Variants in GPHN observed in about 807,000 individuals in gnomAD.
GPHN encodes gephyrin.
A neutral mutation model predicts 95.5 loss-of-function variants in GPHN; 17 were observed. That is an observed-to-expected ratio of 0.18 (90% CI 0.12 to 0.27). The LOEUF (loss-of-function observed/expected upper bound fraction) is 0.27. GPHN is among the 10% of genes least tolerant of loss of function. GPHN has a pLI of 1.00. For missense variants in GPHN, 660 were observed against 978.1 expected, an observed-to-expected ratio of 0.67 and a Z score of 4.34; for synonymous variants, 320 against 322.5, an observed-to-expected ratio of 0.99 and a Z score of 0.08.
chr14:67,466,169 T>G, the GPHN span, among the ~76,000 whole-genome samples: 8 of 152,256 alleles, frequency 5.3e-5, no homozygotes, highest in African/African-American at 1.4e-4. Context: ...CTTCGCCATC[T>G]GGTGGACCCT....
intron 1 of GPHN, among the ~76,000 whole-genome samples, chr14:66,519,653 C>G (rs1025762574): frequency 1.4e-4 from 22 of 152,024 alleles, no homozygotes; most frequent in African/African-American, 4.8e-4. Flanking sequence ...GCTGCCTGAC[C>G]TTGATAGGCA....
chr14:66,814,357 G>A (rs1258424710), intron 3 of GPHN, among the ~76,000 whole-genome samples: 3 of 152,184 alleles, frequency 2.0e-5, no homozygotes, highest in Admixed American at 6.5e-5. Context: ...CCCACCAGCT[G>A]TGTTGCCTCC....
chr14:66,719,024 G>A (rs1367966999), intron 2 of GPHN, among the ~76,000 whole-genome samples: 6 of 152,258 alleles, frequency 3.9e-5, no homozygotes, highest in African/African-American at 9.6e-5. Context: ...CAGCTCCCAC[G>A]CAATCCACAG....
At chr14:67,509,819 C>A in the GPHN span, among the ~76,000 whole-genome samples, 1 of 152,180 alleles carries the variant, frequency 6.6e-6, no homozygotes, top group South Asian at 2.1e-4. Flanking sequence ...CCAGCCTGTG[C>A]AACATAGCGA....
chr14:67,591,815 A>G, the GPHN span: 1 of 150,330 alleles, frequency 6.7e-6, no homozygotes, highest in Non-Finnish European at 1.5e-5. Context: ...GATTACAGGC[A>G]TGAGCCACTG....
At chr14:67,423,839 G>A in the GPHN span, among the ~76,000 whole-genome samples, 28 of 152,334 alleles carry the variant, frequency 1.8e-4, no homozygotes, top group Middle Eastern at 6.8e-3. Flanking sequence ...GTTACTGATG[G>A]CTCCTGGAAT....
the GPHN span, chr14:67,292,822 T>TTAACAG: frequency 7.9e-6 from 6 of 760,884 alleles, no homozygotes; most frequent in Non-Finnish European, 1.2e-5. Flanking sequence ...TTTGTTTGAA[T>TTAACAG]TAATTACTGT....
chr14:67,145,865 A>G, intron 18 of GPHN, among the ~76,000 whole-genome samples: 1 of 152,202 alleles, frequency 6.6e-6, no homozygotes, highest in Non-Finnish European at 1.5e-5. Context: ...ATTCCATTTA[A>G]ATTATACTCT....
chr14:67,683,232 T>C, the GPHN span, among the ~76,000 whole-genome samples: 37 of 152,292 alleles, frequency 2.4e-4, no homozygotes, highest in Admixed American at 2.4e-3. Flanking sequence ...AAGTTATGGA[T>C]TTAGAGCTGA....
chr14:66,572,187 A>G (rs934118047), intron 1 of GPHN, among the ~76,000 whole-genome samples: 2 of 152,162 alleles, frequency 1.3e-5, no homozygotes, highest in Non-Finnish European at 2.9e-5. Context: ...ATCAGGCAAT[A>G]TGATGCATCT....
At chr14:67,497,826 G>T in the GPHN span, among the ~76,000 whole-genome samples, 1 of 151,996 alleles carries the variant, frequency 6.6e-6, no homozygotes, top group Admixed American at 6.6e-5. Context: ...CCTGTATCTT[G>T]TGGGTGTTTG....
At chr14:66,679,927 A>G (rs1424695656) in intron 1 of GPHN, among the ~76,000 whole-genome samples, 1 of 151,996 alleles carries the variant, frequency 6.6e-6, no homozygotes, top group African/African-American at 2.4e-5. Flanking sequence ...TGTTAGTCAC[A>G]TTTTGTGCCC....
rs866528536 is a variant in GPHN at position 66,837,614 on chromosome 14, A to T, written c.294+13048A>T. 7.5e-4 allele frequency among the ~76,000 whole-genome samples: 109 copies of T among 144,500 alleles called. No homozygotes were observed. The South Asian group carries it at 0.014, about 19-fold the overall frequency. The allele number at this position is 144,500 out of a possible 152,430, so 94.8% of individuals were successfully genotyped here. ...TATAATAAAAATAAATAAATAAATA[A>T]AAATAAATAAATAAATAAATAAATA... On this transcript the variant is annotated intron_variant, in intron 4 of 22. Transcript: ENST00000478722.
chr14:67,246,649 G>GTT, the GPHN span, among the ~76,000 whole-genome samples: 2,061 of 112,176 alleles, frequency 0.018, 115 homozygotes, highest in East Asian at 0.09. Context: ...CCTACTATAG[G>GTT]TTTTTTTTTT....
chr14:67,124,694 A>G (rs372296936), intron 17 of GPHN, among the ~76,000 whole-genome samples: 1 of 152,164 alleles, frequency 6.6e-6, no homozygotes, highest in South Asian at 2.1e-4. Flanking sequence ...CTCTGGCCCT[A>G]CCTCTAAGTG....
the GPHN span, chr14:67,381,703 T>TC: frequency 6.3e-7 from 1 of 1,585,894 alleles, no homozygotes; most frequent in Non-Finnish European, 8.7e-7. Context: ...GAGTCATGAG[T>TC]TGTCTCCCTC....
intron 1 of GPHN, among the ~76,000 whole-genome samples, chr14:66,524,126 G>A (rs543784759): frequency 1.3e-5 from 2 of 152,182 alleles, no homozygotes; most frequent in African/African-American, 2.4e-5. Flanking sequence ...ACATATATGT[G>A]GGTACTATGG....
chr14:66,847,565 TC>T (rs1258655899), intron 4 of GPHN, among the ~76,000 whole-genome samples: 6 of 152,030 alleles, frequency 3.9e-5, no homozygotes, highest in Admixed American at 3.9e-4. Context: ...AGGCTTCAAG[TC>T]CTTTATATCT....
intron 1 of GPHN, among the ~76,000 whole-genome samples, chr14:66,598,484 A>G (rs989225283): frequency 3.3e-5 from 5 of 152,146 alleles, no homozygotes; most frequent in Admixed American, 1.3e-4. Flanking sequence ...TCAGATGTGT[A>G]TTCTTAGCCA....
Sources: gnomAD v4.1 joint callset for allele counts (sites outside exome capture counted in the v4.1 genomes callset) on GRCh38, gnomAD v4.1.1 for gene constraint, MANE v1.5 for transcripts, NCBI Gene and HGNC (gene_info 2026-07-23, HGNC 2026-07-21) for gene names.